CACNA1C: variants seen among roughly 807,000 people sequenced by gnomAD.
The protein encoded by CACNA1C is voltage-dependent L-type calcium channel subunit alpha-1C.
A neutral mutation model predicts 229.0 loss-of-function variants in CACNA1C; 30 were observed. That is an observed-to-expected ratio of 0.13 (90% CI 0.10 to 0.18). The LOEUF is 0.18. CACNA1C is among the 10% of genes least tolerant of loss of function. CACNA1C has a pLI of 1.00. For synonymous variants in CACNA1C, 1,114 were observed against 1,132.5 expected, an observed-to-expected ratio of 0.98 and a Z score of 0.33; for missense variants, 1,658 against 2,845.0, an observed-to-expected ratio of 0.58 and a Z score of 9.49.
chr12:2,464,783 A>C (rs2099539470), intron 5 of CACNA1C, among the ~76,000 whole-genome samples: 1 of 152,264 alleles, frequency 6.6e-6, no homozygotes, highest in Non-Finnish European at 1.5e-5. Context: ...GAGAAGGAGC[A>C]CTGAGGACCA....
chr12:2,016,481 G>A (rs2154485449), intron 1 of CACNA1C, among the ~76,000 whole-genome samples: 1 of 152,138 alleles, frequency 6.6e-6, no homozygotes, highest in South Asian at 2.1e-4. Flanking sequence ...CCAGGCTGGA[G>A]TGCAATGGCA....
At chr12:2,363,484 A>G (rs2097627767) in intron 3 of CACNA1C, among the ~76,000 whole-genome samples, 1 of 152,182 alleles carries the variant, frequency 6.6e-6, no homozygotes, top group Non-Finnish European at 1.5e-5. Context: ...AGAGGTGGCT[A>G]TCTGGCGCTG....
chr12:2,301,151 C>T (rs1348303286), intron 3 of CACNA1C, among the ~76,000 whole-genome samples: 4 of 152,194 alleles, frequency 2.6e-5, no homozygotes, highest in Non-Finnish European at 5.9e-5. Context: ...AGAGCACTAT[C>T]TGCAGGAGGC....
chr12:2,006,198 A>C (rs1260963620), intron 1 of CACNA1C, among the ~76,000 whole-genome samples: 2 of 152,134 alleles, frequency 1.3e-5, no homozygotes, highest in African/African-American at 4.8e-5. Flanking sequence ...TCACAAGGTC[A>C]GTAGTTCAAG....
At chr12:2,551,515 T>A (rs2099903069) in intron 10 of CACNA1C, among the ~76,000 whole-genome samples, 1 of 152,152 alleles carries the variant, frequency 6.6e-6, no homozygotes. Flanking sequence ...GAATAAAATG[T>A]GGTCTTTCCC....
intron 1 of CACNA1C, among the ~76,000 whole-genome samples, chr12:2,021,416 C>T (rs1000322726): frequency 3.9e-4 from 59 of 152,170 alleles, no homozygotes; most frequent in Admixed American, 2.6e-4. Context: ...CTATGGCTCA[C>T]ACCTGTAATC....
rs577601875 is a variant in CACNA1C at position 2,077,542 on chromosome 12, T to C, written c.49+23931T>C. On this transcript the variant is annotated intron_variant, in intron 1 of 46. Transcript: ENST00000399655. The stretch of plus-strand genomic sequence containing the variant: ...CTTTATGTGACTTGTATAACTTAAT[T>C]CTCACAACAACCCTGTGTTGTAGAT... Among the ~76,000 whole-genome samples the C allele has an allele frequency of 4.6e-5, 7 of 152,252 alleles. No homozygotes were observed. The South Asian group carries it at 1.5e-3, about 32-fold the overall frequency.
At chr12:2,655,675 T>TTAA (rs1347470576) in intron 34 of CACNA1C, among the ~76,000 whole-genome samples, 1 of 152,230 alleles carries the variant, frequency 6.6e-6, no homozygotes, top group Non-Finnish European at 1.5e-5. Context: ...CCACATGCAC[T>TTAA]GGGCGTCATC....
At chr12:2,437,810 ATGG>A (rs1339403700) in intron 3 of CACNA1C, among the ~76,000 whole-genome samples, 130 of 124,604 alleles carry the variant, frequency 1.0e-3, no homozygotes, top group Non-Finnish European at 1.8e-3. Context: ...GATGGTGATG[ATGG>A]TGGTGGTGGT....
chr12:2,629,467 C>T (rs149902572), intron 29 of CACNA1C, among the ~76,000 whole-genome samples: 119 of 152,320 alleles, frequency 7.8e-4, no homozygotes, highest in African/African-American at 2.5e-3. Flanking sequence ...ACACATGTGC[C>T]TTGTGGATGG....
intron 3 of CACNA1C, among the ~76,000 whole-genome samples, chr12:2,267,775 G>C (rs1209861072): frequency 6.6e-6 from 1 of 152,226 alleles, no homozygotes; most frequent in Admixed American, 6.5e-5. Context: ...TGTGTCTGCG[G>C]AGGGCAGCGA....
At chr12:1,988,992 T>C (rs1315958565) in intron 1 of CACNA1C, among the ~76,000 whole-genome samples, 2 of 152,216 alleles carry the variant, frequency 1.3e-5, no homozygotes, top group Non-Finnish European at 2.9e-5. Context: ...AAACTTCAGG[T>C]TTACATCTGC....
intron 26 of CACNA1C, chr12:2,607,389 T>C: frequency 2.4e-6 from 1 of 422,644 alleles, no homozygotes; most frequent in Non-Finnish European, 4.2e-6. Context: ...AACCTCAGCA[T>C]GAGCCACGAT....
At chr12:2,021,182 G>T (rs975716969) in intron 1 of CACNA1C, among the ~76,000 whole-genome samples, 1 of 152,174 alleles carries the variant, frequency 6.6e-6, no homozygotes, top group Admixed American at 6.5e-5. Flanking sequence ...AAATAGCTTT[G>T]CATAGATCAT....
intron 3 of CACNA1C, among the ~76,000 whole-genome samples, chr12:2,168,061 T>TG (rs895834669): frequency 1.1e-4 from 16 of 152,150 alleles, no homozygotes; most frequent in East Asian, 1.9e-4. Context: ...AGTTTGTGTG[T>TG]GGGGGGGAGT....
At chr12:2,217,973 T>C (rs1018939798) in intron 3 of CACNA1C, 2 of 152,148 alleles carry the variant, frequency 1.3e-5, no homozygotes, top group Non-Finnish European at 2.9e-5. Context: ...GAGATAGATA[T>C]TCAGTCTCCA....
At chr12:2,115,627 C>A in intron 2 of CACNA1C, 82 bp downstream of exon 2, 1 of 1,331,118 alleles carries the variant, frequency 7.5e-7, no homozygotes, top group Non-Finnish European at 1.1e-6. Context: ...GGGCCACGAG[C>A]TGTGTCAGCT....
At chr12:2,096,942 G>A (rs1291415561) in intron 1 of CACNA1C, among the ~76,000 whole-genome samples, 1 of 152,110 alleles carries the variant, frequency 6.6e-6, no homozygotes, top group Non-Finnish European at 1.5e-5. Context: ...ATACTCCATT[G>A]TATGGATAGA....
intron 9 of CACNA1C, among the ~76,000 whole-genome samples, chr12:2,515,543 C>A (rs1422275172): frequency 1.3e-5 from 2 of 152,242 alleles, no homozygotes; most frequent in Non-Finnish European, 2.9e-5. Flanking sequence ...CAATTCTCTT[C>A]AGCTCAAAAG....
Sources: allele counts gnomAD v4.1 joint callset (sites outside exome capture counted in the v4.1 genomes callset), GRCh38; gene constraint gnomAD v4.1.1; transcripts MANE v1.5; gene names NCBI Gene and HGNC (gene_info 2026-07-23, HGNC 2026-07-21).